SLC9A9: variants seen among roughly 807,000 people sequenced by gnomAD.
SLC9A9 encodes sodium/hydrogen exchanger 9.
SLC9A9 carries 62 observed loss-of-function variants against 77.8 expected under a neutral mutation model. The observed-to-expected ratio is 0.80, with a 90% CI of 0.65 to 0.98. SLC9A9 has a LOEUF of 0.98. Among genes scored for constraint, SLC9A9 ranks in the 50% least tolerant of loss-of-function variants. The pLI, the probability that SLC9A9 is intolerant of heterozygous loss-of-function variation, is 0.00. For missense variants in SLC9A9, 775 were observed against 774.9 expected, an observed-to-expected ratio of 1.00 and a Z score of 0.00; for synonymous variants, 320 against 283.5, an observed-to-expected ratio of 1.13 and a Z score of -1.29.
chr3:143,726,998 G>A (rs567211362), intron 4 of SLC9A9, among the ~76,000 whole-genome samples: 51 of 149,012 alleles, frequency 3.4e-4, no homozygotes, highest in Admixed American at 2.0e-4. Flanking sequence ...GAACAGAAGA[G>A]ATCCCCACCT....
chr3:143,396,361 C>T (rs1475049991), intron 12 of SLC9A9, among the ~76,000 whole-genome samples: 1 of 152,092 alleles, frequency 6.6e-6, no homozygotes, highest in African/African-American at 2.4e-5. Flanking sequence ...AAACCAAACA[C>T]CGCATGTTCT....
intron 7 of SLC9A9, among the ~76,000 whole-genome samples, chr3:143,576,756 T>C (rs2037366310): frequency 6.6e-6 from 1 of 152,162 alleles, no homozygotes; most frequent in South Asian, 2.1e-4. Context: ...GATAGGATCA[T>C]TGTGAAGGTT....
intron 1 of SLC9A9, among the ~76,000 whole-genome samples, chr3:143,845,049 A>G (rs971710153): frequency 1.3e-5 from 2 of 152,038 alleles, no homozygotes; most frequent in African/African-American, 4.8e-5. Flanking sequence ...AAGCTTAACC[A>G]TATGAGGATG....
rs1260042708 is a variant in SLC9A9, at chr3:143,811,697, C to CA, written c.379-14795dup. 1.5e-5 allele frequency: 7 copies of CA among 453,658 alleles called. No individual in the cohort carries two copies. In the East Asian group the frequency reaches 2.1e-4, roughly 14 times the overall value. 28.1% of individuals were successfully genotyped at this position (453,658 alleles called of 1,614,324 possible). On this transcript the variant is annotated intron_variant, in intron 2 of 15. Coordinates refer to ENST00000316549, the MANE Select transcript of SLC9A9 (RefSeq NM_173653.4). The stretch of plus-strand genomic sequence containing the variant: ...ATGGTCTCCAGTTAAAAAACAAAAA[C>CA]AAAAAAACAAAAAAATTAGCCACGC...
chr3:143,743,229 GGATGGATGGATGGATA>G (rs1935117753), intron 4 of SLC9A9, among the ~76,000 whole-genome samples: 1 of 132,002 alleles, frequency 7.6e-6, no homozygotes, highest in Non-Finnish European at 1.6e-5. Context: ...ATGGATGGAT[GGATGGATGGATGGATA>G]GATAGATAGA....
At chr3:143,405,618 G>A (rs1445062685) in intron 12 of SLC9A9, among the ~76,000 whole-genome samples, 2 of 152,174 alleles carry the variant, frequency 1.3e-5, no homozygotes, top group South Asian at 2.1e-4. Flanking sequence ...GGGAAAGGGA[G>A]CATTATTTTT....
chr3:143,474,801 T>A (rs1231055224), intron 11 of SLC9A9, among the ~76,000 whole-genome samples: 1 of 143,274 alleles, frequency 7.0e-6, no homozygotes, highest in Non-Finnish European at 1.6e-5. Context: ...AGATGAAGTT[T>A]ATTTTGAACC....
At chr3:143,454,302 A>G (rs1455309910) in intron 12 of SLC9A9, among the ~76,000 whole-genome samples, 1 of 152,036 alleles carries the variant, frequency 6.6e-6, no homozygotes, top group Non-Finnish European at 1.5e-5. Context: ...GTAGCTTTGT[A>G]TTTTCATTCT....
chr3:143,319,021 A>AAT (rs2031321981), intron 14 of SLC9A9, among the ~76,000 whole-genome samples: 1 of 152,330 alleles, frequency 6.6e-6, no homozygotes, highest in South Asian at 2.1e-4. Flanking sequence ...ACTTATAATA[A>AAT]ATAACTGTCA....
intron 4 of SLC9A9, among the ~76,000 whole-genome samples, chr3:143,750,672 T>C (rs1576701288): frequency 6.6e-6 from 1 of 151,060 alleles, no homozygotes; most frequent in South Asian, 2.1e-4. Context: ...TAACTGATAA[T>C]ATTGTATAGT....
At chr3:143,470,289 G>A (rs993808288) in intron 11 of SLC9A9, among the ~76,000 whole-genome samples, 8 of 151,982 alleles carry the variant, frequency 5.3e-5, no homozygotes, top group Non-Finnish European at 1.0e-4. Context: ...GACCAGCCTG[G>A]CCAACATAGT....
intron 5 of SLC9A9, among the ~76,000 whole-genome samples, 175 bp from the exon 6 acceptor site, chr3:143,652,535 C>A (rs1051258770): frequency 2.6e-5 from 4 of 152,064 alleles, no homozygotes; most frequent in African/African-American, 9.7e-5. Flanking sequence ...CTTCTCTTGG[C>A]TCCCTACTGC....
At chr3:143,510,561 A>G (rs1034813208) in intron 9 of SLC9A9, among the ~76,000 whole-genome samples, 1 of 152,038 alleles carries the variant, frequency 6.6e-6, no homozygotes, top group Non-Finnish European at 1.5e-5. Flanking sequence ...ATATTGAAAA[A>G]TTTTCAAATT....
chr3:143,753,306 G>A (rs949499871), intron 4 of SLC9A9, among the ~76,000 whole-genome samples: 1 of 152,116 alleles, frequency 6.6e-6, no homozygotes, highest in Non-Finnish European at 1.5e-5. Context: ...CACACTAAAT[G>A]CATTCAAGTT....
intron 14 of SLC9A9, among the ~76,000 whole-genome samples, chr3:143,273,365 G>A (rs148762407): frequency 6.6e-6 from 1 of 152,276 alleles, no homozygotes. Flanking sequence ...GCTAATCAGG[G>A]TGGGGCCCTT....
At chr3:143,379,517 A>G (rs1187858065) in intron 13 of SLC9A9, among the ~76,000 whole-genome samples, 1 of 152,250 alleles carries the variant, frequency 6.6e-6, no homozygotes, top group Non-Finnish European at 1.5e-5. Context: ...TATCATGAAT[A>G]AGAACACTTA....
chr3:143,429,521 C>G (rs967807021), intron 12 of SLC9A9, among the ~76,000 whole-genome samples: 1 of 152,198 alleles, frequency 6.6e-6, no homozygotes, highest in Non-Finnish European at 1.5e-5. Context: ...AGAAGTCCAT[C>G]CCTGCTACCT....
At chr3:143,532,246 C>G (rs1250102578) in intron 9 of SLC9A9, among the ~76,000 whole-genome samples, 1 of 152,154 alleles carries the variant, frequency 6.6e-6, no homozygotes, top group Non-Finnish European at 1.5e-5. Flanking sequence ...GTAGTGCAAG[C>G]TGATTCCATG....
intron 4 of SLC9A9, among the ~76,000 whole-genome samples, chr3:143,783,095 GGTCAGAACGAC>G (rs2007934332): frequency 6.6e-6 from 1 of 151,994 alleles, no homozygotes; most frequent in Non-Finnish European, 1.5e-5. Flanking sequence ...TTCATCATCT[GGTCAGAACGAC>G]CGTTAAAAGC....
Sources: allele counts gnomAD v4.1 joint callset (sites outside exome capture counted in the v4.1 genomes callset), GRCh38; gene constraint gnomAD v4.1.1; transcripts MANE v1.5; gene names NCBI Gene and HGNC (gene_info 2026-07-23, HGNC 2026-07-21).